The following PPP1R42 variants were observed in gnomAD, a reference collection of about 807,000 sequenced individuals.
PPP1R42 encodes protein phosphatase 1 regulatory subunit 42, also known as leucine rich repeat containing 67.
In PPP1R42, 34 loss-of-function variants were observed where a neutral mutation model predicts 31.0. That is an observed-to-expected ratio of 1.10 (90% CI 0.83 to 1.46). The LOEUF (loss-of-function observed/expected upper bound fraction) is 1.46. Among genes scored for constraint, PPP1R42 ranks in the 40% most tolerant of loss-of-function variants. PPP1R42 has a pLI of 0.00. For synonymous variants in PPP1R42, 103 were observed against 109.8 expected, an observed-to-expected ratio of 0.94 and a Z score of 0.39; for missense variants, 268 against 303.0, an observed-to-expected ratio of 0.88 and a Z score of 0.86.
At chr8:67,006,092 T>C (rs1190854279) in intron 5 of PPP1R42, among the ~76,000 whole-genome samples, 1 of 152,186 alleles carries the variant, frequency 6.6e-6, no homozygotes, top group Non-Finnish European at 1.5e-5. Flanking sequence ...CTGGGTACCA[T>C]ACTACAGTGT....
chr8:67,013,767 T>G (rs974897496), intron 3 of PPP1R42, among the ~76,000 whole-genome samples: 1 of 152,112 alleles, frequency 6.6e-6, no homozygotes, highest in African/African-American at 2.4e-5. Flanking sequence ...GCCTAACCCC[T>G]GGAGATTCTA....
intron 5 of PPP1R42, among the ~76,000 whole-genome samples, chr8:66,995,300 C>T (rs1333225995): frequency 6.6e-6 from 1 of 152,220 alleles, no homozygotes; most frequent in Admixed American, 6.5e-5. Flanking sequence ...AAGCACATTT[C>T]AAACATATCC....
chr8:66,983,133 A>G (rs562600851), intron 6 of PPP1R42, among the ~76,000 whole-genome samples: 1 of 152,316 alleles, frequency 6.6e-6, no homozygotes, highest in South Asian at 2.1e-4. Flanking sequence ...CACACAAAAA[A>G]TAAAAAAATT....
intron 5 of PPP1R42, among the ~76,000 whole-genome samples, chr8:66,990,670 A>G (rs749334179): frequency 4.6e-5 from 7 of 152,184 alleles, no homozygotes; most frequent in African/African-American, 1.2e-4. Context: ...TGCTCTCTCT[A>G]CCATTAATGA....
intron 1 of PPP1R42, among the ~76,000 whole-genome samples, chr8:67,019,802 G>A (rs1816153522): frequency 6.6e-6 from 1 of 151,416 alleles, no homozygotes; most frequent in Non-Finnish European, 1.5e-5. Context: ...GCAGGAGAAT[G>A]GCGTGAACCT....
chr8:67,006,019 T>A (rs968552485), intron 5 of PPP1R42, among the ~76,000 whole-genome samples: 3 of 152,176 alleles, frequency 2.0e-5, no homozygotes, highest in Non-Finnish European at 4.4e-5. Context: ...TACTGTTGCC[T>A]CTTCATTCAC....
intron 7 of PPP1R42, among the ~76,000 whole-genome samples, chr8:66,979,699 T>G (rs2130921518): frequency 6.6e-6 from 1 of 152,284 alleles, no homozygotes; most frequent in Non-Finnish European, 1.5e-5. Context: ...ATTGCTTTGG[T>G]TATTGGGGTT....
At chr8:66,992,557 G>A (rs910299251) in intron 5 of PPP1R42, among the ~76,000 whole-genome samples, 9 of 152,214 alleles carry the variant, frequency 5.9e-5, no homozygotes, top group Non-Finnish European at 7.3e-5. Context: ...GGGAGCAGGA[G>A]CATATGTCCC....
At chr8:67,018,558 G>A (rs1357755324) in intron 1 of PPP1R42, among the ~76,000 whole-genome samples, 1 of 151,608 alleles carries the variant, frequency 6.6e-6, no homozygotes, top group Non-Finnish European at 1.5e-5. Flanking sequence ...CTGTCGCCAG[G>A]CTGGAGTGCA....
chr8:67,024,768 C>T lies in PPP1R42; in HGVS notation c.-85+3723G>A, dbSNP rs1009324001. ...CTGGGATTACAGGCGTGAGCCACTG[C>T]ACCCAGCCTAATTTTTGTATTTTTT... On this transcript the variant is annotated intron_variant, in intron 1 of 7. Transcript: ENST00000685739. Among the ~76,000 whole-genome samples the T allele has an allele frequency of 6.6e-5, 10 of 151,972 alleles. No homozygotes were observed. In the South Asian group the frequency reaches 8.3e-4, roughly 13 times the overall value.
chr8:67,015,415 A>G (rs1180543334), intron 2 of PPP1R42, among the ~76,000 whole-genome samples: 6 of 152,180 alleles, frequency 3.9e-5, no homozygotes, highest in African/African-American at 1.4e-4. Flanking sequence ...TCTAATACAT[A>G]GTTAAGTGAA....
chr8:67,024,383 G>T (rs954676890), intron 1 of PPP1R42, among the ~76,000 whole-genome samples: 6 of 151,958 alleles, frequency 3.9e-5, no homozygotes, highest in African/African-American at 1.5e-4. Flanking sequence ...GTGCAATCTC[G>T]GCTCAGGCAA....
intron 7 of PPP1R42, chr8:66,971,187 C>T: frequency 3.6e-6 from 5 of 1,378,814 alleles, no homozygotes; most frequent in Non-Finnish European, 4.7e-6. Flanking sequence ...AAATTAATAA[C>T]TAAATTTTTA....
At chr8:66,988,364 C>T in intron 6 of PPP1R42, 36 bp downstream of exon 6, 1 of 1,329,222 alleles carries the variant, frequency 7.5e-7, no homozygotes, top group Non-Finnish European at 9.7e-7. Flanking sequence ...AACTAGGTGT[C>T]ATTCTCTTAA....
At chr8:67,010,646 C>A in intron 5 of PPP1R42, 69 bp downstream of exon 5, 1 of 1,042,394 alleles carries the variant, frequency 9.6e-7, no homozygotes, top group Non-Finnish European at 1.4e-6. Context: ...TATTTTATAG[C>A]TATTACAAAA....
At chr8:66,987,288 T>C (rs1815048554) in intron 6 of PPP1R42, among the ~76,000 whole-genome samples, 1 of 61,298 alleles carries the variant, frequency 1.6e-5, no homozygotes, top group Non-Finnish European at 3.3e-5. Flanking sequence ...GCAAATGATC[T>C]TTTTTTTTTT....
intron 7 of PPP1R42, among the ~76,000 whole-genome samples, chr8:66,967,260 G>A (rs1347762090): frequency 6.6e-6 from 1 of 152,138 alleles, no homozygotes; most frequent in African/African-American, 2.4e-5. Context: ...ATAGGCATGA[G>A]CCACCTCACC....
rs747879688 is a variant in PPP1R42 at position 66,985,397 on chromosome 8, T to A, written c.670+3003A>T. On this transcript the variant is annotated intron_variant, in intron 6 of 7. Coordinates refer to ENST00000685739, the MANE Select transcript of PPP1R42 (RefSeq NM_001364910.1). ...GCACGAATATTGGCAGGAGTAGACA[T>A]GCAGTGTGTCAGCTCAATCTCCTTG... 122 of 745,326 alleles carry A rather than the reference T, an allele frequency of 1.6e-4. 1 individual carries two copies. The highest frequency in any genetic ancestry group is 2.5e-4 in the Non-Finnish European group (104 of 416,878). The allele number at this position is 745,326 out of a possible 1,614,324, so 46.2% of individuals were successfully genotyped here.
intron 5 of PPP1R42, among the ~76,000 whole-genome samples, chr8:67,002,462 G>A (rs1018671239): frequency 2.6e-5 from 4 of 152,186 alleles, no homozygotes; most frequent in Non-Finnish European, 5.9e-5. Context: ...GCCTCCCAAA[G>A]TGTTGGGATT....
Sources: allele counts gnomAD v4.1 joint callset (sites outside exome capture counted in the v4.1 genomes callset), GRCh38; gene constraint gnomAD v4.1.1; transcripts MANE v1.5; gene names NCBI Gene and HGNC (gene_info 2026-07-23, HGNC 2026-07-21).